The following RAB21 variants were observed in gnomAD, a reference collection of about 807,000 sequenced individuals.
RAB21 encodes the protein ras-related protein Rab-21.
Under a neutral mutation model 33.1 loss-of-function variants are expected in RAB21, and 13 were observed. The observed-to-expected ratio is 0.39, with a 90% CI of 0.26 to 0.62. RAB21 has a LOEUF of 0.62. RAB21 is among the 20% of genes least tolerant of loss of function. RAB21 has a pLI of 0.48. For missense variants in RAB21, 234 were observed against 279.1 expected, an observed-to-expected ratio of 0.84 and a Z score of 1.15; for synonymous variants, 91 against 103.7, an observed-to-expected ratio of 0.88 and a Z score of 0.74.
At chr12:71,785,072 G>T (rs753608273) in intron 6 of RAB21, among the ~76,000 whole-genome samples, 5 of 152,112 alleles carry the variant, frequency 3.3e-5, no homozygotes, top group Non-Finnish European at 7.3e-5. Context: ...CATCCAGCCT[G>T]GGTATCAAAG....
rs1883279753 is a variant in RAB21 at position 71,785,891 on chromosome 12, T to G, written c.*218T>G. ...ATTTTCTACAAATGTTTTTTTTTGT[T>G]TTTTTTTTGTTTTTTTTTGTTTTTT... On this transcript the variant is annotated 3_prime_UTR_variant, in exon 7 of 7. Coordinates refer to ENST00000261263, the MANE Select transcript of RAB21 (RefSeq NM_014999.4). 1 of 414,998 alleles carries G rather than the reference T, an allele frequency of 2.4e-6. No individual in the cohort carries two copies. Among genetic ancestry groups the G allele is most frequent in the Non-Finnish European group, 4.1e-6 (1 of 242,910 alleles). The allele number at this position is 414,998 out of a possible 1,614,324, so 25.7% of individuals were successfully genotyped here.
rs200660575 is a variant in RAB21, at chr12:71,784,930, C to CAA, written c.536-590_536-589dup. ...AACATAGTGAGACCCCCATCTCTAG[C>CAA]AAAAAAAAAAAACTCAGCCAGGCAT... On this transcript the variant is annotated intron_variant, in intron 6 of 6. Transcript: ENST00000261263. Among the ~76,000 whole-genome samples the CAA allele has an allele frequency of 8.9e-4, 125 of 140,892 alleles. 3 individuals carry two copies. The East Asian group carries it at 0.013, about 14-fold the overall frequency. The allele number at this position is 140,892 out of a possible 152,430, so 92.4% of individuals were successfully genotyped here.
In RAB21 at chr12:71,798,114, C is replaced by T. The variant is rs1206987251; in HGVS notation, c.*12441C>T. The T allele has an allele frequency of 1.3e-5, 2 of 152,090 alleles. No individual in the cohort carries two copies. Among genetic ancestry groups the T allele is most frequent in the Non-Finnish European group, 2.9e-5 (2 of 68,026 alleles). 9.4% of individuals were successfully genotyped at this position (152,090 alleles called of 1,614,324 possible). A position where few individuals can be genotyped will look rare whatever the true frequency, so the allele number is the denominator to read the frequency against. On this transcript the variant is annotated 3_prime_UTR_variant, in exon 7 of 7. Coordinates refer to ENST00000261263, the MANE Select transcript of RAB21 (RefSeq NM_014999.4). ...TATTATTATTTTTGAGATGGAGTCT[C>T]ACTCTATTGCCCAGGCTAGAGGGCA...
At chr12:71,783,553 C>T (rs1172264905) in intron 6 of RAB21, among the ~76,000 whole-genome samples, 5 of 151,972 alleles carry the variant, frequency 3.3e-5, no homozygotes, top group Non-Finnish European at 7.4e-5. Flanking sequence ...TAAGTGATGT[C>T]CCCTGATCAG....
Position 71,793,914 on chromosome 12 carries a change from A to T in RAB21, c.*8241A>T, listed in dbSNP as rs968533140. 6.6e-6 allele frequency: 1 copy of T among 152,220 alleles called. No homozygotes were observed. Among genetic ancestry groups the T allele is most frequent in the Admixed American group, 6.5e-5 (1 of 15,272 alleles). 9.4% of individuals were successfully genotyped at this position (152,220 alleles called of 1,614,324 possible). On this transcript the variant is annotated 3_prime_UTR_variant, in exon 7 of 7. Coordinates refer to ENST00000261263, the MANE Select transcript of RAB21 (RefSeq NM_014999.4). ...GCTAAGACTAAAGCTGGCCCTTTCC[A>T]ATCAAAAGTGTTAAAAGCTGGCTGG...
In RAB21 at chr12:71,755,234, G is replaced by A; in HGVS notation, c.105G>A (p.Leu35=). ...AAGGCTGCGTGGGGAAGACGTCGCT[G>A]GTGCTGCGCTACTGCGAGAACAAGT... The part of the protein sequence containing the change: ...LGEGCVGKTS[L]VLRYCENKFN... Residue 35 remains leucine, a synonymous_variant, in exon 1 of 7, where the codon CTG becomes CTA. Transcript: ENST00000261263. 1.9e-6 allele frequency: 3 copies of A among 1,545,696 alleles called. No individual in the cohort carries two copies. The highest frequency in any genetic ancestry group is 2.6e-6 in the Non-Finnish European group (3 of 1,150,414).
intron 3 of RAB21, among the ~76,000 whole-genome samples, chr12:71,771,437 A>G (rs1202835657): frequency 6.6e-6 from 1 of 152,186 alleles, no homozygotes; most frequent in Non-Finnish European, 1.5e-5. Context: ...TCTTGGTAAA[A>G]TTACTTACCT....
chr12:71,764,536 T>G (rs1316940442), intron 1 of RAB21, among the ~76,000 whole-genome samples: 1 of 152,150 alleles, frequency 6.6e-6, no homozygotes, highest in East Asian at 1.9e-4. Flanking sequence ...TTAGTGGTGA[T>G]TTCTGAGATT....
rs764756282 is a variant in RAB21, at chr12:71,793,610, G to A, written c.*7937G>A. 2 of 152,160 alleles carry A rather than the reference G, an allele frequency of 1.3e-5. No homozygotes were observed. Among genetic ancestry groups the A allele is most frequent in the Non-Finnish European group, 2.9e-5 (2 of 68,028 alleles). The allele number at this position is 152,160 out of a possible 1,614,324, so 9.4% of individuals were successfully genotyped here. A position where few individuals can be genotyped will look rare whatever the true frequency, so the allele number is the denominator to read the frequency against. On this transcript the variant is annotated 3_prime_UTR_variant, in exon 7 of 7. Coordinates refer to ENST00000261263, the MANE Select transcript of RAB21 (RefSeq NM_014999.4). ...AGTTCACAAAAGGTTAGTAAATTTA[G>A]TGATTTAATGAGTTCTTCAAAACAT...
At chr12:71,756,263 T>A (rs1381215352) in intron 1 of RAB21, among the ~76,000 whole-genome samples, 1 of 152,200 alleles carries the variant, frequency 6.6e-6, no homozygotes, top group Non-Finnish European at 1.5e-5. Flanking sequence ...TCTGTGCCTG[T>A]TTCTTCTGTT....
chr12:71,756,481 A>T (rs1437761825), intron 1 of RAB21, among the ~76,000 whole-genome samples: 4 of 152,188 alleles, frequency 2.6e-5, no homozygotes, highest in African/African-American at 9.7e-5. Context: ...GTGACATTGG[A>T]TGTTTGATGC....
At position 71,769,805 on chromosome 12, in the gene RAB21, A is replaced by G. The variant is rs1883014504; in HGVS notation, c.165A>G (p.Ser55=). The G allele has an allele frequency of 7.2e-7, 1 of 1,379,908 alleles. No homozygotes were observed. Among genetic ancestry groups the G allele is most frequent in the African/African-American group, 1.5e-5 (1 of 66,824 alleles). 85.5% of individuals were successfully genotyped at this position (1,379,908 alleles called of 1,614,324 possible). The change falls in exon 2 of 7, where the codon TCA becomes TCG. Residue 55 remains serine, a synonymous_variant. Coordinates refer to ENST00000261263, the MANE Select transcript of RAB21 (RefSeq NM_014999.4). ...NDKHITTLQA[S]FLTKKLNIGG... ...ATGTTTATTTCTCTTTTTAGGCATC[A>G]TTCTTAACAAAGAAGTTAAATATTG...
At chr12:71,776,553 A>G (rs964844056) in intron 4 of RAB21, among the ~76,000 whole-genome samples, 3 of 152,096 alleles carry the variant, frequency 2.0e-5, no homozygotes, top group African/African-American at 7.2e-5. Context: ...CCCATTTAAT[A>G]TTATATAATG....
chr12:71,762,137 G>A (rs568803865), intron 1 of RAB21, among the ~76,000 whole-genome samples: 1 of 152,126 alleles, frequency 6.6e-6, no homozygotes, highest in Non-Finnish European at 1.5e-5. Flanking sequence ...ATATCTGACT[G>A]CCATTTTCTG....
chr12:71,777,195 A>T (rs983770349), intron 4 of RAB21, among the ~76,000 whole-genome samples: 1 of 152,156 alleles, frequency 6.6e-6, no homozygotes, highest in Non-Finnish European at 1.5e-5. Flanking sequence ...TTTCATCCCA[A>T]CACTCACAGT....
rs1592652986 is a variant in RAB21 at position 71,789,015 on chromosome 12, G to A, written c.*3342G>A. 6.6e-6 allele frequency: 1 copy of A among 150,560 alleles called. No individual in the cohort carries two copies. The allele number at this position is 150,560 out of a possible 1,614,324, so 9.3% of individuals were successfully genotyped here. A position where few individuals can be genotyped will look rare whatever the true frequency, so the allele number is the denominator to read the frequency against. On this transcript the variant is annotated 3_prime_UTR_variant, in exon 7 of 7. Coordinates refer to ENST00000261263, the MANE Select transcript of RAB21 (RefSeq NM_014999.4). ...ATTGAAATCTTTTTTTTTTTTAATA[G>A]TAGCCATATGTTATTAGTGGAGTAC...
intron 4 of RAB21, 44 bp downstream of exon 4, chr12:71,774,066 C>T (rs1883082316): frequency 2.2e-6 from 3 of 1,354,628 alleles, no homozygotes; most frequent in Admixed American, 4.7e-5. Flanking sequence ...CCTCTGTTTC[C>T]TTAATGTTTT....
chr12:71,777,039 T>G (rs1328409013), intron 4 of RAB21, among the ~76,000 whole-genome samples: 1 of 152,214 alleles, frequency 6.6e-6, no homozygotes, highest in East Asian at 1.9e-4. Context: ...GAAATCATAC[T>G]CCCTGTATCC....
rs1001120922 is a variant in RAB21 at position 71,782,756 on chromosome 12, T to C, written c.535+98T>C. ...TACACCAGTGTTACTTTTCAAAGAA[T>C]TGGTTCTTTTTAAACTATTGACTAT... On this transcript the variant is annotated intron_variant, in intron 6 of 6. Coordinates refer to ENST00000261263, the MANE Select transcript of RAB21 (RefSeq NM_014999.4). 11 of 798,874 alleles carry C rather than the reference T, an allele frequency of 1.4e-5. No homozygotes were observed. In the African/African-American group the frequency reaches 2.0e-4, roughly 14 times the overall value. 49.5% of individuals were successfully genotyped at this position (798,874 alleles called of 1,614,324 possible). A position where few individuals can be genotyped will look rare whatever the true frequency, so the allele number is the denominator to read the frequency against.
Sources: allele counts gnomAD v4.1 joint callset (sites outside exome capture counted in the v4.1 genomes callset), GRCh38; gene constraint gnomAD v4.1.1; transcripts MANE v1.5; gene names NCBI Gene and HGNC (gene_info 2026-07-23, HGNC 2026-07-21).